MOCOS: variants seen among roughly 807,000 people sequenced by gnomAD.
The protein encoded by MOCOS is molybdenum cofactor sulfurase.
A neutral mutation model predicts 83.6 loss-of-function variants in MOCOS; 86 were observed. The ratio of observed to expected loss-of-function variants is 1.03; its 90% CI spans 0.86 to 1.23. The LOEUF is 1.23. MOCOS is among the 50% of genes most tolerant of loss of function. The probability of loss-of-function intolerance (pLI) is 0.00; values close to 1 mark genes in which losing one functional copy is unlikely to be tolerated. For missense variants in MOCOS, 1,120 were observed against 1,126.9 expected, an observed-to-expected ratio of 0.99 and a Z score of 0.09; for synonymous variants, 445 against 434.7, an observed-to-expected ratio of 1.02 and a Z score of -0.29.
At chr18:36,221,602 GTGTTC>G (rs10618481) in intron 9 of MOCOS, among the ~76,000 whole-genome samples, 25,574 of 150,632 alleles carry the variant, frequency 0.17, 2,564 homozygotes, top group East Asian at 0.36. Context: ...TTGGCTGTAA[GTGTTC>G]TGTTCTGTTC....
chr18:36,217,133 G>A (rs1460590642), intron 8 of MOCOS, among the ~76,000 whole-genome samples: 1 of 152,188 alleles, frequency 6.6e-6, no homozygotes, highest in African/African-American at 2.4e-5. Context: ...CTATTGATTA[G>A]TTGTAATATC....
chr18:36,268,586 T>C lies in MOCOS; in HGVS notation c.2568T>C (p.Cys856=), dbSNP rs768276144. 2 of 1,614,202 alleles carry C rather than the reference T, an allele frequency of 1.2e-6. No homozygotes were observed. Among genetic ancestry groups the C allele is most frequent in the Admixed American group, 3.3e-5 (2 of 60,028 alleles). The part of the protein sequence containing the change: ...MHASLDLSSP[C]FLSVGSQVLP... ...CATCATTGGATTTATCCTCCCCATG[T>C]TTCCTGTCTGTAGGATCTCAGGTGC... Residue 856 remains cysteine (C), a synonymous_variant, in exon 15 of 15, where the codon TGT becomes TGC. Transcript: ENST00000261326.
chr18:36,219,947 A>G, intron 8 of MOCOS, 108 bp from the exon 9 acceptor site: 1 of 1,337,700 alleles, frequency 7.5e-7, no homozygotes. Context: ...CTTCCAGTGT[A>G]GGTGCTGAAT....
intron 13 of MOCOS, among the ~76,000 whole-genome samples, chr18:36,262,250 T>TCTACACACACACACAC (rs368893410): frequency 3.9e-5 from 5 of 127,906 alleles, no homozygotes; most frequent in Admixed American, 1.6e-4. Context: ...CGTCTCTCTC[T>TCTACACACACACACAC]ACACACACAC....
rs1330132288 is a variant in MOCOS, at chr18:36,251,299, T to C, written c.2164+16T>C. On this transcript the variant is annotated intron_variant, in intron 11 of 14. Transcript: ENST00000261326. ...CATGGAAAAGGTATTACATTTTGAATTGGTTCGTAGAGAACAGGAACCCTG... is the reference window on the plus strand; with the variant it reads ...CATGGAAAAGGTATTACATTTTGAACTGGTTCGTAGAGAACAGGAACCCTG... 6 of 1,613,524 alleles carry C rather than the reference T, an allele frequency of 3.7e-6. No individual in the cohort carries two copies. In the East Asian group the frequency reaches 1.1e-4, roughly 30 times the overall value.
chr18:36,259,419 A>G (rs1568069491), intron 12 of MOCOS, among the ~76,000 whole-genome samples: 1 of 143,276 alleles, frequency 7.0e-6, no homozygotes, highest in African/African-American at 2.6e-5. Flanking sequence ...ACTGCACTCC[A>G]GTCTGGGTGA....
At chr18:36,258,973 A>C (rs1330035931) in intron 12 of MOCOS, among the ~76,000 whole-genome samples, 1 of 150,298 alleles carries the variant, frequency 6.7e-6, no homozygotes, top group Non-Finnish European at 1.5e-5. Flanking sequence ...TTCTTTCACC[A>C]TAGCTAGTTT....
chr18:36,263,952 G>A lies in MOCOS; in HGVS notation c.2410-2797G>A, dbSNP rs186344370. Among the ~76,000 whole-genome samples, 18 of 152,202 alleles carry A rather than the reference G, an allele frequency of 1.2e-4. No individual in the cohort carries two copies. The East Asian group carries it at 2.3e-3, about 20-fold the overall frequency. On this transcript the variant is annotated intron_variant, in intron 13 of 14. Transcript: ENST00000261326. ...AGCACTTTGGGAGACTGAGGTGCTC[G>A]GATCACCTGAGGTCAGGAGTTTGAC...
intron 8 of MOCOS, among the ~76,000 whole-genome samples, chr18:36,219,639 A>G (rs2091488424): frequency 6.6e-6 from 1 of 152,194 alleles, no homozygotes; most frequent in Admixed American, 6.5e-5. Flanking sequence ...AGATTGCACC[A>G]CTACACTCCA....
At chr18:36,249,992 G>T (rs1598591438) in intron 10 of MOCOS, among the ~76,000 whole-genome samples, 1 of 152,200 alleles carries the variant, frequency 6.6e-6, no homozygotes, top group East Asian at 1.9e-4. Context: ...TTTATTGATT[G>T]TACATGTTTC....
At chr18:36,196,607 G>A (rs1001975477) in intron 2 of MOCOS, among the ~76,000 whole-genome samples, 4 of 152,110 alleles carry the variant, frequency 2.6e-5, no homozygotes, top group Non-Finnish European at 5.9e-5. Context: ...CAGTCTTCTG[G>A]GAAGGTGCCA....
At chr18:36,231,173 A>T (rs1179323811) in intron 9 of MOCOS, among the ~76,000 whole-genome samples, 1 of 151,980 alleles carries the variant, frequency 6.6e-6, no homozygotes, top group African/African-American at 2.4e-5. Flanking sequence ...CTTTTTCTGT[A>T]TTTGTTTATC....
intron 9 of MOCOS, among the ~76,000 whole-genome samples, chr18:36,230,889 T>C (rs1370964804): frequency 6.6e-6 from 1 of 152,218 alleles, no homozygotes; most frequent in African/African-American, 2.4e-5. Flanking sequence ...TGTCATCTTC[T>C]AATAATGATA....
In MOCOS at chr18:36,241,000, G is replaced by A. The variant is rs543288218; in HGVS notation, c.1961-7922G>A. On this transcript the variant is annotated intron_variant, in intron 9 of 14. Transcript: ENST00000261326. ...CCTCGCCCTGCTTCGGCTCGCGCACGGTGCGTGCACCCACTGACCTGCACC... is the reference window on the plus strand; with the variant it reads ...CCTCGCCCTGCTTCGGCTCGCGCACAGTGCGTGCACCCACTGACCTGCACC... Among the ~76,000 whole-genome samples the A allele has an allele frequency of 2.9e-3, 435 of 151,260 alleles. 2 individuals are homozygous for A. The highest frequency in any genetic ancestry group is 9.7e-3 in the African/African-American group (399 of 41,258).
At chr18:36,196,281 G>A (rs1287491127) in intron 2 of MOCOS, among the ~76,000 whole-genome samples, 1 of 152,230 alleles carries the variant, frequency 6.6e-6, no homozygotes, top group African/African-American at 2.4e-5. Context: ...ATAACGATAA[G>A]TAACATTTAT....
At chr18:36,238,542 C>A (rs1274113630) in intron 9 of MOCOS, among the ~76,000 whole-genome samples, 2 of 146,438 alleles carry the variant, frequency 1.4e-5, no homozygotes, top group African/African-American at 5.1e-5. Flanking sequence ...CTGAGGAGTG[C>A]TTTACTTCCA....
intron 10 of MOCOS, among the ~76,000 whole-genome samples, chr18:36,250,247 A>G (rs1415398794): frequency 6.6e-6 from 1 of 152,154 alleles, no homozygotes; most frequent in Non-Finnish European, 1.5e-5. Flanking sequence ...AACACAATGC[A>G]CTCATTAGTG....
chr18:36,241,165 G>A (rs1009128372), intron 9 of MOCOS, among the ~76,000 whole-genome samples: 10 of 152,056 alleles, frequency 6.6e-5, no homozygotes, highest in Admixed American at 2.0e-4. Flanking sequence ...TCCCAACAAA[G>A]TCCCCAGAAT....
Position 36,189,036 on chromosome 18 carries a change from A to G in MOCOS, c.142+1355A>G, listed in dbSNP as rs186470943. 2.7e-3 allele frequency among the ~76,000 whole-genome samples: 406 copies of G among 151,044 alleles called. 3 individuals carry two copies. The highest frequency in any genetic ancestry group is 9.3e-3 in the African/African-American group (379 of 40,696). On this transcript the variant is annotated intron_variant, in intron 1 of 14. Transcript: ENST00000261326. ...GGGAGGCTCTCCATTCTTTGAAGCA[A>G]CTCTTCAAGGCTACCTGAGTAATTA...
Sources: gnomAD v4.1 joint callset for allele counts (sites outside exome capture counted in the v4.1 genomes callset) on GRCh38, gnomAD v4.1.1 for gene constraint, MANE v1.5 for transcripts, NCBI Gene and HGNC (gene_info 2026-07-23, HGNC 2026-07-21) for gene names.